OBI1: variants seen among roughly 807,000 people sequenced by gnomAD.
OBI1 encodes the protein ring finger protein 219.
OBI1 carries 59 observed loss-of-function variants against 62.4 expected under a neutral mutation model. The ratio of observed to expected loss-of-function variants is 0.95; its 90% CI spans 0.77 to 1.17. The LOEUF is 1.17. OBI1 is among the 50% of genes most tolerant of loss of function. OBI1 has a pLI of 0.00. For synonymous variants in OBI1, 302 were observed against 292.8 expected (o/e 1.03, Z -0.32); for missense variants, 875 against 830.9 (o/e 1.05, Z -0.65).
In OBI1 at chr13:78,635,201, A is replaced by G; in HGVS notation, c.550-3T>C. On this transcript the variant is annotated splice_region_variant and splice_polypyrimidine_tract_variant and intron_variant, in intron 4 of 5. Transcript: ENST00000282003. ...TCCAATTTCAATTTTTTATTTGCCTAAAATAACAAATTGAAAATAAGTAAG... is the reference window on the plus strand; with the variant it reads ...TCCAATTTCAATTTTTTATTTGCCTGAAATAACAAATTGAAAATAAGTAAG... 1 of 1,560,678 alleles carries G rather than the reference A, an allele frequency of 6.4e-7. No homozygotes were observed. The highest frequency in any genetic ancestry group is 8.8e-7 in the Non-Finnish European group (1 of 1,136,738).
intron 5 of OBI1, among the ~76,000 whole-genome samples, chr13:78,617,981 G>A (rs1378891918): frequency 6.6e-6 from 1 of 152,018 alleles, no homozygotes; most frequent in Non-Finnish European, 1.5e-5. Flanking sequence ...ACTGTGTTAA[G>A]CTCAGGAAAC....
intron 1 of OBI1, among the ~76,000 whole-genome samples, chr13:78,651,386 T>G (rs1218386784): frequency 1.3e-5 from 2 of 152,224 alleles, no homozygotes; most frequent in African/African-American, 4.8e-5. Context: ...TGCTCATAGT[T>G]CGAGGTATAG....
chr13:78,618,165 C>T (rs954488313), intron 5 of OBI1, among the ~76,000 whole-genome samples: 1 of 152,002 alleles, frequency 6.6e-6, no homozygotes, highest in Admixed American at 6.6e-5. Flanking sequence ...AACATAATCC[C>T]GTGAAAAATA....
At chr13:78,644,057 AC>A (rs1876307046) in intron 2 of OBI1, among the ~76,000 whole-genome samples, 2 of 151,782 alleles carry the variant, frequency 1.3e-5, no homozygotes, top group Admixed American at 1.3e-4. Flanking sequence ...CTCCTCCCCC[AC>A]CCCACCAATA....
rs747678734 is a variant in OBI1 at position 78,617,097 on chromosome 13, G to A, written c.664C>T (p.Leu222Phe). 1.3e-6 allele frequency: 2 copies of A among 1,565,814 alleles called. No individual in the cohort carries two copies. The highest frequency in any genetic ancestry group is 2.4e-5 in the South Asian group (2 of 83,122). The change falls in exon 6 of 6, where the codon CTT becomes TTT. Residue 222 changes from leucine (L) to phenylalanine (F), a missense_variant. Leu to Phe is a conservative substitution (Grantham distance 22). Coordinates refer to ENST00000282003, the MANE Select transcript of OBI1 (RefSeq NM_024546.4). ...TCATACTGTTCTACTTTGGACTGAA[G>A]AGCAGCAACTGCAAACCTTCCAAAC... Reference protein sequence around the residue: ...QKFGRFAVAALQSKVEQYERE... With the variant: ...QKFGRFAVAAFQSKVEQYERE...
chr13:78,643,669 T>C (rs951150122), intron 2 of OBI1, among the ~76,000 whole-genome samples: 10 of 151,930 alleles, frequency 6.6e-5, no homozygotes, highest in Non-Finnish European at 1.3e-4. Context: ...ATGCATATAA[T>C]CCCAGCTACT....
intron 4 of OBI1, among the ~76,000 whole-genome samples, chr13:78,637,678 T>A (rs1382344181): frequency 6.6e-6 from 1 of 152,200 alleles, no homozygotes; most frequent in Non-Finnish European, 1.5e-5. Flanking sequence ...TTCTAACAAA[T>A]CAAGGTACTA....
At chr13:78,654,499 A>C (rs7321203) in intron 1 of OBI1, among the ~76,000 whole-genome samples, 3 of 152,116 alleles carry the variant, frequency 2.0e-5, no homozygotes, top group African/African-American at 7.2e-5. Context: ...TGACTTGCTG[A>C]TCAATCAACA....
At chr13:78,649,507 T>C (rs1299553016) in intron 1 of OBI1, among the ~76,000 whole-genome samples, 1 of 152,172 alleles carries the variant, frequency 6.6e-6, no homozygotes, top group Non-Finnish European at 1.5e-5. Context: ...ATGTTGGGGA[T>C]GGAAACCTGA....
At position 78,632,505 on chromosome 13, in the gene OBI1, G is replaced by A. The variant is rs1875884466; in HGVS notation, c.638+2605C>T. 2.6e-5 allele frequency among the ~76,000 whole-genome samples: 4 copies of A among 152,218 alleles called. No homozygotes were observed. The South Asian group carries it at 8.3e-4, about 32-fold the overall frequency. The stretch of plus-strand genomic sequence containing the variant: ...ACTTGTAGGATACATTGGAGACTAA[G>A]GCCAAGTGTATAAAAAAGTATACCC... On this transcript the variant is annotated intron_variant, in intron 5 of 5. Transcript: ENST00000282003.
intron 5 of OBI1, among the ~76,000 whole-genome samples, chr13:78,619,147 A>C (rs1875424331): frequency 6.6e-6 from 1 of 152,116 alleles, no homozygotes; most frequent in South Asian, 2.1e-4. Context: ...ATGCTACTAC[A>C]TAGTAAGTCA....
At chr13:78,637,022 G>A (rs1226125695) in intron 4 of OBI1, among the ~76,000 whole-genome samples, 2 of 152,130 alleles carry the variant, frequency 1.3e-5, no homozygotes, top group African/African-American at 4.8e-5. Flanking sequence ...GTTATGAAGG[G>A]CAGAGTTCTG....
chr13:78,615,700 C>T lies in OBI1; in HGVS notation c.2061G>A (p.Gln687=). The change falls in exon 6 of 6, where the codon CAG becomes CAA. Residue 687 remains glutamine (Q), a synonymous_variant. Transcript: ENST00000282003. ...SEMHSLHNHL[Q]SPWSTSFVPE... ...GCACAAAGGAAGTAGACCAAGGAGA[C>T]TGAAGGTGGTTATGAAGACTGTGCA... 6.2e-7 allele frequency: 1 copy of T among 1,614,034 alleles called. No homozygotes were observed. Among genetic ancestry groups the T allele is most frequent in the Non-Finnish European group, 8.5e-7 (1 of 1,179,942 alleles).
chr13:78,655,919 C>T (rs1265706909), intron 1 of OBI1, among the ~76,000 whole-genome samples: 1 of 152,148 alleles, frequency 6.6e-6, no homozygotes, highest in Non-Finnish European at 1.5e-5. Context: ...GTGAGCAGCA[C>T]AATCATACTG....
At chr13:78,617,914 A>G (rs1156375501) in intron 5 of OBI1, among the ~76,000 whole-genome samples, 1 of 152,138 alleles carries the variant, frequency 6.6e-6, no homozygotes, top group Non-Finnish European at 1.5e-5. Context: ...TTATTCACAA[A>G]AAGTCTACTC....
At chr13:78,656,793 T>G (rs1241339011) in intron 1 of OBI1, among the ~76,000 whole-genome samples, 4 of 53,158 alleles carry the variant, frequency 7.5e-5, no homozygotes, top group Non-Finnish European at 1.5e-4. Context: ...TTATTTTTAA[T>G]TTTTTTTTTT....
rs1164914878 is a variant in OBI1, at chr13:78,615,599, G to C, written c.2162C>G (p.Ser721Ter). The change falls in exon 6 of 6, where the codon TCA becomes TGA. Residue 721 changes from serine (S) to a stop codon, truncating the protein, a stop_gained. Coordinates refer to ENST00000282003, the MANE Select transcript of OBI1 (RefSeq NM_024546.4). LOFTEE classifies it high-confidence loss of function. ...IQSSLSSASP[S>*]KATKS The stretch of plus-strand genomic sequence containing the variant: ...AATGAGTCAACTTTTAGTTGCTTTT[G>C]ATGGGCTGGCACTGGAAAGGCTGCT... 6.2e-7 allele frequency: 1 copy of C among 1,600,006 alleles called. No individual in the cohort carries two copies. Among genetic ancestry groups the C allele is most frequent in the African/African-American group, 1.4e-5 (1 of 73,920 alleles).
rs1470126871 is a variant in OBI1, at chr13:78,627,624, G to A, written c.638+7486C>T. ...CATGATCTCATTCCTTTTTATGGCTGCATAGCATTCCATGCTGTATATGTA... is the reference window on the plus strand; with the variant it reads ...CATGATCTCATTCCTTTTTATGGCTACATAGCATTCCATGCTGTATATGTA... On this transcript the variant is annotated intron_variant, in intron 5 of 5. Coordinates refer to ENST00000282003, the MANE Select transcript of OBI1 (RefSeq NM_024546.4). Among the ~76,000 whole-genome samples, 4 of 152,284 alleles carry A rather than the reference G, an allele frequency of 2.6e-5. No homozygotes were observed. In the East Asian group the frequency reaches 7.7e-4, roughly 29 times the overall value.
intron 1 of OBI1, 149 bp from the exon 2 acceptor site, chr13:78,645,146 T>C (rs1229511897): frequency 1.4e-6 from 1 of 691,612 alleles, no homozygotes; most frequent in Non-Finnish European, 2.3e-6. Context: ...ACTGCTTCTG[T>C]TGGTCACTTT....
Sources: allele counts gnomAD v4.1 joint callset (sites outside exome capture counted in the v4.1 genomes callset), GRCh38; gene constraint gnomAD v4.1.1; transcripts MANE v1.5; gene names NCBI Gene and HGNC (gene_info 2026-07-23, HGNC 2026-07-21).